Variants in GRM8 observed in about 807,000 individuals in gnomAD.
GRM8 encodes the protein metabotropic glutamate receptor 8.
In GRM8, 47 loss-of-function variants were observed where a neutral mutation model predicts 87.2. The observed-to-expected ratio is 0.54, with a 90% CI of 0.43 to 0.69. The LOEUF (loss-of-function observed/expected upper bound fraction) is 0.69, where lower values mean the gene tolerates loss of function less well. GRM8 is among the 30% of genes least tolerant of loss of function. GRM8 has a pLI of 0.00. For missense variants in GRM8, 1,019 were observed against 1,139.2 expected, an observed-to-expected ratio of 0.89 and a Z score of 1.52; for synonymous variants, 396 against 404.5, an observed-to-expected ratio of 0.98 and a Z score of 0.25.
chr7:127,137,411 A>G (rs1333494293), intron 2 of GRM8, among the ~76,000 whole-genome samples: 1 of 152,136 alleles, frequency 6.6e-6, no homozygotes, highest in Non-Finnish European at 1.5e-5. Context: ...GTCATATCCA[A>G]TTCTGTAATC....
intron 6 of GRM8, among the ~76,000 whole-genome samples, chr7:126,851,473 A>G (rs1373178995): frequency 2.6e-5 from 4 of 152,174 alleles, no homozygotes; most frequent in African/African-American, 4.8e-5. Context: ...TAAGAGAGCC[A>G]AGAGCCTTTC....
intron 6 of GRM8, among the ~76,000 whole-genome samples, chr7:126,789,180 T>C (rs1820997201): frequency 1.3e-5 from 2 of 152,152 alleles, no homozygotes; most frequent in South Asian, 2.1e-4. Context: ...CATTTCCTGC[T>C]TGCCAGAAGC....
At chr7:126,716,579 GAAAT>G (rs950194054) in intron 7 of GRM8, among the ~76,000 whole-genome samples, 95 of 152,110 alleles carry the variant, frequency 6.2e-4, no homozygotes, top group African/African-American at 2.1e-3. Context: ...ATTCCCCTAT[GAAAT>G]GTTGGTTTTC....
intron 6 of GRM8, among the ~76,000 whole-genome samples, chr7:126,870,914 G>T (rs1164797267): frequency 2.6e-5 from 4 of 152,096 alleles, no homozygotes; most frequent in Non-Finnish European, 5.9e-5. Context: ...ATAAAACAAG[G>T]CATGCCTGTA....
chr7:127,053,079 T>G (rs902585534), intron 3 of GRM8, among the ~76,000 whole-genome samples: 1 of 152,208 alleles, frequency 6.6e-6, no homozygotes, highest in African/African-American at 2.4e-5. Flanking sequence ...TCTTCTACCT[T>G]GTGATTTGTG....
intron 9 of GRM8, among the ~76,000 whole-genome samples, chr7:126,516,327 C>A (rs191004612): frequency 2.3e-3 from 345 of 151,796 alleles, no homozygotes; most frequent in Non-Finnish European, 4.0e-3. Flanking sequence ...GTCTAGCAAC[C>A]CTATCCTAGG....
chr7:127,031,024 C>G (rs936163459), intron 3 of GRM8, among the ~76,000 whole-genome samples: 4 of 152,094 alleles, frequency 2.6e-5, no homozygotes, highest in African/African-American at 9.7e-5. Flanking sequence ...TCTGTTAATG[C>G]AGGTTGCACT....
intron 9 of GRM8, among the ~76,000 whole-genome samples, chr7:126,461,700 T>C (rs1204590035): frequency 2.0e-5 from 3 of 151,672 alleles, no homozygotes; most frequent in African/African-American, 7.2e-5. Flanking sequence ...CTCTGGTACC[T>C]AGGCTTGCTC....
intron 6 of GRM8, among the ~76,000 whole-genome samples, chr7:126,791,466 C>T (rs1306972956): frequency 6.6e-6 from 1 of 152,162 alleles, no homozygotes; most frequent in Admixed American, 6.5e-5. Flanking sequence ...CCTGCTGTAA[C>T]CAGGTAGGCT....
chr7:126,813,262 T>C (rs1018262173), intron 6 of GRM8, among the ~76,000 whole-genome samples: 18 of 152,236 alleles, frequency 1.2e-4, no homozygotes, highest in African/African-American at 3.6e-4. Flanking sequence ...GAAAATGCTA[T>C]AGCAGATCAT....
intron 7 of GRM8, among the ~76,000 whole-genome samples, chr7:126,661,841 CAA>C (rs1805210647): frequency 6.6e-6 from 1 of 152,332 alleles, no homozygotes; most frequent in East Asian, 1.9e-4. Flanking sequence ...AGCTCCCTAA[CAA>C]CTTGTTTCAA....
At chr7:127,081,802 T>C (rs1475286731) in intron 3 of GRM8, among the ~76,000 whole-genome samples, 2 of 152,134 alleles carry the variant, frequency 1.3e-5, no homozygotes, top group Non-Finnish European at 2.9e-5. Flanking sequence ...TTAGAAATAT[T>C]CACCATCACG....
intron 3 of GRM8, among the ~76,000 whole-genome samples, chr7:127,008,714 T>C (rs1021051104): frequency 1.3e-5 from 2 of 152,056 alleles, no homozygotes; most frequent in Non-Finnish European, 2.9e-5. Context: ...AAAAGTTCCA[T>C]GGCCATTTTA....
chr7:126,668,005 G>C (rs1805963431), intron 7 of GRM8, among the ~76,000 whole-genome samples: 1 of 152,168 alleles, frequency 6.6e-6, no homozygotes, highest in South Asian at 2.1e-4. Flanking sequence ...AACCTACTGA[G>C]ACAGCGAAGG....
chr7:126,516,289 A>G, intron 9 of GRM8, among the ~76,000 whole-genome samples: 1 of 151,788 alleles, frequency 6.6e-6, no homozygotes, highest in East Asian at 1.9e-4. Context: ...TTAAAATTTA[A>G]CATAACATCT....
intron 6 of GRM8, among the ~76,000 whole-genome samples, chr7:126,811,389 T>C (rs1228834892): frequency 1.3e-5 from 2 of 152,190 alleles, no homozygotes; most frequent in South Asian, 4.1e-4. Context: ...GGATTTTTTT[T>C]CTAATTTCAT....
intron 3 of GRM8, among the ~76,000 whole-genome samples, chr7:126,971,300 G>A (rs1020577620): frequency 3.3e-5 from 5 of 151,998 alleles, no homozygotes; most frequent in Admixed American, 3.3e-4. Context: ...CAGGGACTGG[G>A]TGGTAACAAT....
At chr7:126,638,369 T>C (rs531089414) in intron 7 of GRM8, among the ~76,000 whole-genome samples, 1 of 151,524 alleles carries the variant, frequency 6.6e-6, no homozygotes, top group African/African-American at 2.5e-5. Context: ...ACTATTAGCA[T>C]AACTATTTGG....
intron 7 of GRM8, among the ~76,000 whole-genome samples, chr7:126,735,341 A>G (rs1814085653): frequency 6.6e-6 from 1 of 152,090 alleles, no homozygotes; most frequent in Admixed American, 6.6e-5. Flanking sequence ...AGTATACAAA[A>G]ACTCTAAATC....
Sources: allele counts gnomAD v4.1 joint callset (sites outside exome capture counted in the v4.1 genomes callset), GRCh38; gene constraint gnomAD v4.1.1; transcripts MANE v1.5; gene names NCBI Gene and HGNC (gene_info 2026-07-23, HGNC 2026-07-21).